Variants in PROM1 observed in about 807,000 individuals in gnomAD.
PROM1 encodes the protein prominin 1.
In PROM1, 105 loss-of-function variants were observed where a neutral mutation model predicts 116.9. That is an observed-to-expected ratio of 0.90 (90% confidence interval 0.77 to 1.06). The LOEUF (loss-of-function observed/expected upper bound fraction) is 1.06, where lower values mean the gene tolerates loss of function less well. Ranked by LOEUF, PROM1 falls within the 50% of genes least tolerant of loss-of-function variation. The pLI is 0.00. For missense variants in PROM1, 1,122 were observed against 1,045.2 expected, an observed-to-expected ratio of 1.07 and a Z score of -1.01; for synonymous variants, 393 against 387.0, an observed-to-expected ratio of 1.02 and a Z score of -0.18.
chr4:16,011,192 T>C (rs1335459928), intron 11 of PROM1, among the ~76,000 whole-genome samples: 2 of 152,046 alleles, frequency 1.3e-5, no homozygotes, highest in African/African-American at 4.8e-5. Flanking sequence ...TCTTCAAACC[T>C]CTCTCGATGT....
intron 2 of PROM1, among the ~76,000 whole-genome samples, chr4:16,072,265 G>A (rs1385878442): frequency 1.3e-5 from 2 of 152,164 alleles, no homozygotes; most frequent in Non-Finnish European, 2.9e-5. Context: ...GTTTCTCTTA[G>A]AGTTTCAAAT....
At chr4:16,074,094 G>T (rs1379501958) in intron 2 of PROM1, among the ~76,000 whole-genome samples, 1 of 152,060 alleles carries the variant, frequency 6.6e-6, no homozygotes, top group African/African-American at 2.4e-5. Flanking sequence ...AAGAAGCAAA[G>T]ACTAAAAACA....
chr4:16,063,886 A>G (rs1430766816), intron 2 of PROM1, among the ~76,000 whole-genome samples: 1 of 152,180 alleles, frequency 6.6e-6, no homozygotes, highest in African/African-American at 2.4e-5. Flanking sequence ...GGGTAGGAGG[A>G]GTGAATAGAG....
intron 2 of PROM1, among the ~76,000 whole-genome samples, chr4:16,061,311 T>G (rs1438927491): frequency 6.6e-6 from 1 of 152,208 alleles, no homozygotes; most frequent in African/African-American, 2.4e-5. Flanking sequence ...ATGTCAACCC[T>G]GAGAGTAAGG....
intron 22 of PROM1, among the ~76,000 whole-genome samples, chr4:15,985,011 A>G (rs941706200): frequency 5.9e-5 from 9 of 152,220 alleles, no homozygotes; most frequent in African/African-American, 1.7e-4. Context: ...TGAGTTCTGC[A>G]TATACAGTTA....
intron 18 of PROM1, 32 bp downstream of exon 18, chr4:15,991,190 C>T: frequency 6.4e-7 from 1 of 1,561,196 alleles, no homozygotes; most frequent in Non-Finnish European, 8.8e-7. Flanking sequence ...TCTACAACTA[C>T]TACAGTATTT....
intron 11 of PROM1, 68 bp downstream of exon 11, chr4:16,013,207 A>C: frequency 7.9e-7 from 1 of 1,268,296 alleles, no homozygotes; most frequent in Non-Finnish European, 1.1e-6. Context: ...GAACAATGCA[A>C]TACTTGGCAA....
At chr4:15,992,955 C>T (rs1431398879) in intron 16 of PROM1, among the ~76,000 whole-genome samples, 2 of 152,226 alleles carry the variant, frequency 1.3e-5, no homozygotes, top group African/African-American at 4.8e-5. Context: ...CAGTTTCCAG[C>T]AGCATGGAGT....
intron 14 of PROM1, among the ~76,000 whole-genome samples, chr4:15,999,236 C>G (rs1418752888): frequency 6.6e-5 from 10 of 151,912 alleles, no homozygotes. Context: ...CTTTGGGAGG[C>G]CAAGGTGGGC....
At chr4:16,013,038 C>T (rs886555801) in intron 11 of PROM1, among the ~76,000 whole-genome samples, 2 of 152,148 alleles carry the variant, frequency 1.3e-5, no homozygotes, top group Non-Finnish European at 2.9e-5. Flanking sequence ...CTGTGGCTGT[C>T]AACCATGTGG....
At chr4:15,980,188 CT>C (rs1717393390) in intron 24 of PROM1, 1 of 597,694 alleles carries the variant, frequency 1.7e-6, no homozygotes, top group Admixed American at 3.3e-5. Context: ...AATAAAAAGG[CT>C]GGTTAGGGAA....
intron 14 of PROM1, among the ~76,000 whole-genome samples, chr4:16,000,039 G>A (rs1017845079): frequency 3.3e-5 from 5 of 152,154 alleles, no homozygotes; most frequent in African/African-American, 1.2e-4. Context: ...CCTCTGCCAC[G>A]AGTCATCCGC....
At chr4:16,080,845 T>C (rs1011241744) in intron 1 of PROM1, 2 of 152,200 alleles carry the variant, frequency 1.3e-5, no homozygotes, top group Admixed American at 1.3e-4. Context: ...CAGGACAGTA[T>C]CTAATTCATT....
chr4:15,984,085 C>T (rs754271041), intron 23 of PROM1, among the ~76,000 whole-genome samples, 178 bp downstream of exon 23: 5 of 152,130 alleles, frequency 3.3e-5, no homozygotes, highest in Non-Finnish European at 5.9e-5. Context: ...AGAAGACAAC[C>T]GCCCAGAACT....
chr4:15,974,058 A>G (rs765830307), intron 26 of PROM1, among the ~76,000 whole-genome samples: 6 of 152,062 alleles, frequency 3.9e-5, no homozygotes, highest in Non-Finnish European at 5.9e-5. Flanking sequence ...AGAGCTAGAA[A>G]GAGTAAGTTT....
intron 8 of PROM1, among the ~76,000 whole-genome samples, chr4:16,022,656 T>A (rs1730197448): frequency 1.3e-5 from 2 of 152,226 alleles, no homozygotes; most frequent in African/African-American, 4.8e-5. Flanking sequence ...TAGATGTAAT[T>A]GTCCTCTCTA....
chr4:16,030,345 G>A (rs1191447805), intron 5 of PROM1, among the ~76,000 whole-genome samples: 1 of 152,048 alleles, frequency 6.6e-6, no homozygotes, highest in Non-Finnish European at 1.5e-5. Context: ...TTTTAGTTTT[G>A]TCACAATCTC....
chr4:16,080,745 C>T (rs1311782726), intron 1 of PROM1: 1 of 152,292 alleles, frequency 6.6e-6, no homozygotes, highest in African/African-American at 2.4e-5. Context: ...GTGAGGTCAG[C>T]TGAGGCGCCC....
intron 17 of PROM1, among the ~76,000 whole-genome samples, chr4:15,991,934 C>CA (rs56221717): frequency 0.013 from 712 of 55,326 alleles, 49 homozygotes; most frequent in African/African-American, 0.045. Context: ...GACTCCGTCT[C>CA]AAAAAAAAAA....
Sources: gnomAD v4.1 joint callset for allele counts (sites outside exome capture counted in the v4.1 genomes callset) on GRCh38, gnomAD v4.1.1 for gene constraint, MANE v1.5 for transcripts, NCBI Gene and HGNC (gene_info 2026-07-23, HGNC 2026-07-21) for gene names.